KCNH1: variants seen among roughly 807,000 people sequenced by gnomAD.
KCNH1 encodes potassium voltage-gated channel subfamily H member 1.
In KCNH1, 27 loss-of-function variants were observed where a neutral mutation model predicts 69.2. That is an observed-to-expected ratio of 0.39 (90% CI 0.29 to 0.54). KCNH1 has a LOEUF of 0.54. Among genes scored for constraint, KCNH1 ranks in the 20% least tolerant of loss-of-function variants. KCNH1 has a pLI of 0.68. For synonymous variants in KCNH1, 456 were observed against 487.7 expected, an observed-to-expected ratio of 0.93 and a Z score of 0.86; for missense variants, 798 against 1,261.6, an observed-to-expected ratio of 0.63 and a Z score of 5.57.
chr1:210,787,403 CTA>C (rs1254656981), intron 9 of KCNH1, among the ~76,000 whole-genome samples: 2 of 152,096 alleles, frequency 1.3e-5, no homozygotes, highest in Non-Finnish European at 2.9e-5. Flanking sequence ...GCTCTTGGCT[CTA>C]TGTTATAAAA....
At chr1:210,985,680 G>T (rs1056299853) in intron 6 of KCNH1, among the ~76,000 whole-genome samples, 2 of 152,164 alleles carry the variant, frequency 1.3e-5, no homozygotes, top group Non-Finnish European at 2.9e-5. Flanking sequence ...TTTTACATTT[G>T]CTGAGGAGTG....
intron 8 of KCNH1, 123 bp downstream of exon 8, chr1:210,803,844 C>T: frequency 2.5e-6 from 2 of 809,202 alleles, no homozygotes; most frequent in Admixed American, 2.4e-5. Flanking sequence ...GACCTGGAAT[C>T]CCAAAGTACT....
rs563507753 is a variant in KCNH1 at position 211,045,262 on chromosome 1, C to T, written c.559-26006G>A. Among the ~76,000 whole-genome samples, 284 of 151,214 alleles carry T rather than the reference C, an allele frequency of 1.9e-3. 1 individual carries two copies. Among genetic ancestry groups the T allele is most frequent in the African/African-American group, 6.5e-3 (269 of 41,252 alleles). On this transcript the variant is annotated intron_variant, in intron 5 of 10. Transcript: ENST00000271751. ...ATGACACAATGAACTTCGGAGACTC[C>T]GGGGAAAGGGTGAAAAGGGAGTGAG...
At chr1:210,920,502 A>C (rs1022223623) in intron 6 of KCNH1, among the ~76,000 whole-genome samples, 1 of 152,166 alleles carries the variant, frequency 6.6e-6, no homozygotes, top group Admixed American at 6.5e-5. Context: ...TATTGTGCAT[A>C]AGTATGCAAA....
At chr1:211,074,428 A>G (rs1483046598) in intron 5 of KCNH1, among the ~76,000 whole-genome samples, 1 of 152,158 alleles carries the variant, frequency 6.6e-6, no homozygotes, top group Non-Finnish European at 1.5e-5. Flanking sequence ...AATGAACATC[A>G]CCAATGACTT....
At chr1:210,785,686 A>G (rs115106830) in intron 9 of KCNH1, among the ~76,000 whole-genome samples, 96 of 152,210 alleles carry the variant, frequency 6.3e-4, no homozygotes, top group African/African-American at 2.2e-3. Flanking sequence ...CATTCCTGAT[A>G]TGTCTCTCCA....
At chr1:211,041,769 T>C (rs1243851951) in intron 5 of KCNH1, among the ~76,000 whole-genome samples, 1 of 152,110 alleles carries the variant, frequency 6.6e-6, no homozygotes, top group Non-Finnish European at 1.5e-5. Context: ...GTTGTTGTTT[T>C]TTTGAGATGG....
intron 6 of KCNH1, among the ~76,000 whole-genome samples, chr1:210,987,686 T>A (rs1354772034): frequency 1.3e-5 from 2 of 152,210 alleles, no homozygotes; most frequent in African/African-American, 4.8e-5. Context: ...GGTGTCAGTC[T>A]GCCCCTACTG....
At chr1:211,092,430 C>T (rs765607835) in intron 3 of KCNH1, among the ~76,000 whole-genome samples, 57 of 152,306 alleles carry the variant, frequency 3.7e-4, no homozygotes, top group Middle Eastern at 3.4e-3. Flanking sequence ...AATGTGTTCT[C>T]CTTAAATCTT....
At chr1:210,816,837 C>T (rs911576930) in intron 7 of KCNH1, among the ~76,000 whole-genome samples, 4 of 152,108 alleles carry the variant, frequency 2.6e-5, no homozygotes, top group African/African-American at 7.2e-5. Context: ...CAAAACTCGA[C>T]GTTTATTTTT....
intron 6 of KCNH1, among the ~76,000 whole-genome samples, chr1:210,963,915 A>G (rs1688345844): frequency 1.3e-5 from 2 of 152,216 alleles, no homozygotes; most frequent in South Asian, 4.1e-4. Flanking sequence ...AGACAGGCCA[A>G]CATTCAAATT....
intron 7 of KCNH1, among the ~76,000 whole-genome samples, chr1:210,888,327 T>A (rs563586304): frequency 1.3e-5 from 2 of 151,876 alleles, no homozygotes; most frequent in East Asian, 1.9e-4. Context: ...ACAACAAAAT[T>A]AAGGCAGAAA....
At chr1:210,817,460 G>T (rs1446324663) in intron 7 of KCNH1, among the ~76,000 whole-genome samples, 3 of 152,130 alleles carry the variant, frequency 2.0e-5, no homozygotes, top group Non-Finnish European at 2.9e-5. Context: ...GTAGATTCAT[G>T]ATATCCATTT....
At chr1:210,967,353 T>G (rs903600364) in intron 6 of KCNH1, among the ~76,000 whole-genome samples, 1 of 151,816 alleles carries the variant, frequency 6.6e-6, no homozygotes, top group Non-Finnish European at 1.5e-5. Flanking sequence ...TGTAAAAAAA[T>G]AGTAAAAAGA....
At chr1:210,842,813 G>T (rs1685438930) in intron 7 of KCNH1, among the ~76,000 whole-genome samples, 1 of 151,698 alleles carries the variant, frequency 6.6e-6, no homozygotes, top group Non-Finnish European at 1.5e-5. Context: ...AGCTAAAGTT[G>T]TTTTTTTTCA....
chr1:210,783,930 G>C (rs1046856361), intron 9 of KCNH1, among the ~76,000 whole-genome samples: 2 of 152,138 alleles, frequency 1.3e-5, no homozygotes, highest in Non-Finnish European at 2.9e-5. Context: ...TTTTTCACCT[G>C]CTCTAAGAAA....
chr1:210,902,849 C>T (rs1207911602), intron 7 of KCNH1, among the ~76,000 whole-genome samples: 5 of 152,228 alleles, frequency 3.3e-5, no homozygotes, highest in African/African-American at 7.2e-5. Context: ...AACTTCCTGT[C>T]ATGTCTGCGT....
chr1:210,868,183 T>C (rs1204253735), intron 7 of KCNH1, among the ~76,000 whole-genome samples: 2 of 152,090 alleles, frequency 1.3e-5, no homozygotes, highest in Non-Finnish European at 2.9e-5. Flanking sequence ...TAGTTTTCAA[T>C]TGCCTTTCCT....
At chr1:210,766,387 T>A (rs186040281) in intron 10 of KCNH1, among the ~76,000 whole-genome samples, 1 of 152,218 alleles carries the variant, frequency 6.6e-6, no homozygotes, top group African/African-American at 2.4e-5. Flanking sequence ...TAGCTGGGCA[T>A]AGTGGCACAT....
Sources: allele counts gnomAD v4.1 joint callset (sites outside exome capture counted in the v4.1 genomes callset), GRCh38; gene constraint gnomAD v4.1.1; transcripts MANE v1.5; gene names NCBI Gene and HGNC (gene_info 2026-07-23, HGNC 2026-07-21).